ZNF14: variants seen among roughly 807,000 people sequenced by gnomAD.
ZNF14 encodes the protein gonadotropin inducible transcription repressor-4.
Under a neutral mutation model 11.3 loss-of-function variants are expected in ZNF14, and 9 were observed. That is an observed-to-expected ratio of 0.80 (90% CI 0.48 to 1.39). The LOEUF (loss-of-function observed/expected upper bound fraction) is 1.39. Among genes scored for constraint, ZNF14 ranks in the 40% most tolerant of loss-of-function variants. ZNF14 has a pLI of 0.00. For missense variants in ZNF14, 711 were observed against 763.9 expected (o/e 0.93, Z 0.82); for synonymous variants, 239 against 245.7 (o/e 0.97, Z 0.25).
rs749714274 is a variant in ZNF14 at position 19,711,971 on chromosome 19, T to C, written c.1310A>G (p.His437Arg). ...TTTCTCTGCATTGTGAGTCCTTTCATGTCTTTGAAGGGAACTTGAAAAACT... is the reference window on the plus strand; with the variant it reads ...TTTCTCTGCATTGTGAGTCCTTTCACGTCTTTGAAGGGAACTTGAAAAACT... ...TFSFSSSLQRHERTHNAEKPY... is the reference protein window; with the variant it reads ...TFSFSSSLQRRERTHNAEKPY... Residue 437 changes from histidine (H) to arginine (R), a missense_variant, in exon 4 of 4, where the codon CAT (histidine) becomes CGT (arginine). Coordinates refer to ENST00000344099, the MANE Select transcript of ZNF14 (RefSeq NM_021030.3). The C allele has an allele frequency of 5.0e-6, 8 of 1,614,148 alleles. No individual in the cohort carries two copies. The highest frequency in any genetic ancestry group is 6.8e-6 in the Non-Finnish European group (8 of 1,180,026).
Position 19,711,415 on chromosome 19 carries a change from T to C in ZNF14, c.1866A>G (p.Lys622=). 2 of 1,600,774 alleles carry C rather than the reference T, an allele frequency of 1.2e-6. No homozygotes were observed. The highest frequency in any genetic ancestry group is 1.7e-6 in the Non-Finnish European group (2 of 1,174,858). The part of the protein sequence containing the change: ...EKPYECKQCG[K]AFISSSHFRL... Reference sequence around the variant, plus strand: ...GAAAGTGACTGGAAGAAATGAAGGCTTTTCCACATTGTTTGCATTCATAAG... The same window carrying C: ...GAAAGTGACTGGAAGAAATGAAGGCCTTTCCACATTGTTTGCATTCATAAG... The change falls in exon 4 of 4, where the codon AAA becomes AAG. Residue 622 remains lysine (K), a synonymous_variant. Coordinates refer to ENST00000344099, the MANE Select transcript of ZNF14 (RefSeq NM_021030.3).
chr19:19,715,226 A>G (rs1014151516), intron 1 of ZNF14, among the ~76,000 whole-genome samples: 2 of 152,234 alleles, frequency 1.3e-5, no homozygotes, highest in Non-Finnish European at 2.9e-5. Flanking sequence ...AGGTTTTAAT[A>G]AATAAATACA....
chr19:19,729,476 C>T (rs1295069224), intron 1 of ZNF14, among the ~76,000 whole-genome samples: 1 of 151,990 alleles, frequency 6.6e-6, no homozygotes, highest in African/African-American at 2.4e-5. Context: ...CCCCCACATC[C>T]AGCTAATTTT....
Position 19,712,402 on chromosome 19 carries a change from A to G in ZNF14, c.879T>C (p.Ser293=). ...ECGKAFSFLS[S]FRRHKRTHSG... ...TATGAGTCCTTTTATGCCTTCGAAA[A>G]GAACTGAGAAAACTGAAGGCTTTAC... The change falls in exon 4 of 4, where the codon TCT becomes TCC. Residue 293 remains serine, a synonymous_variant. Transcript: ENST00000344099. The G allele has an allele frequency of 1.2e-6, 2 of 1,609,672 alleles. No individual in the cohort carries two copies. Among genetic ancestry groups the G allele is most frequent in the Non-Finnish European group, 1.7e-6 (2 of 1,178,776 alleles).
At chr19:19,718,373 C>T (rs2062383315) in intron 1 of ZNF14, among the ~76,000 whole-genome samples, 1 of 152,160 alleles carries the variant, frequency 6.6e-6, no homozygotes, top group South Asian at 2.1e-4. Flanking sequence ...AACAGCCTTA[C>T]AGGTTCATCA....
rs751412124 is a variant in ZNF14 at position 19,712,469 on chromosome 19, C to A, written c.812G>T (p.Arg271Ile). 3 of 1,559,268 alleles carry A rather than the reference C, an allele frequency of 1.9e-6. No homozygotes were observed. Among genetic ancestry groups the A allele is most frequent in the South Asian group, 2.3e-5 (2 of 86,136 alleles). Reference sequence around the variant, plus strand: ...GTAGGGTTTTTCTCCAGTGTGAGTTCTTTCATGAGTTCGAAAGTATGTGGG... The same window carrying A: ...GTAGGGTTTTTCTCCAGTGTGAGTTATTTCATGAGTTCGAAAGTATGTGGG... ...SCPTYFRTHE[R>I]THTGEKPYKC... Residue 271 changes from arginine to isoleucine, a missense_variant, in exon 4 of 4, where the codon AGA becomes ATA. Physicochemically the swap from Arg to Ile is moderately conservative, Grantham distance 97. Transcript: ENST00000344099.
At position 19,732,997 on chromosome 19, in the gene ZNF14, A is replaced by C. The variant is rs749843614; in HGVS notation, c.-39T>G. On this transcript the variant is annotated 5_prime_UTR_variant, in exon 1 of 4. Coordinates refer to ENST00000344099, the MANE Select transcript of ZNF14 (RefSeq NM_021030.3). ...GGAAGTCACGGTGTCCTCCCTACGG[A>C]TCTGTCAGTACCTGCAGGTCACGGC... The C allele has an allele frequency of 1.2e-6, 2 of 1,612,108 alleles. No homozygotes were observed. Among genetic ancestry groups the C allele is most frequent in the East Asian group, 4.5e-5 (2 of 44,790 alleles).
chr19:19,718,498 TA>T (rs2062383634), intron 1 of ZNF14, among the ~76,000 whole-genome samples: 1 of 152,024 alleles, frequency 6.6e-6, no homozygotes, highest in East Asian at 1.9e-4. Context: ...GTCAGAAAAT[TA>T]CAAAAAGTGG....
At chr19:19,721,544 T>C (rs1158383162) in intron 1 of ZNF14, among the ~76,000 whole-genome samples, 1 of 152,234 alleles carries the variant, frequency 6.6e-6, no homozygotes, top group African/African-American at 2.4e-5. Context: ...ACTGATTGCA[T>C]CAATATTTCC....
chr19:19,713,698 C>G (rs1166169526), intron 3 of ZNF14, among the ~76,000 whole-genome samples: 1 of 150,006 alleles, frequency 6.7e-6, no homozygotes. Flanking sequence ...ATCTGCCTGC[C>G]TTGGCCTCCC....
chr19:19,725,522 T>C (rs2062404216), intron 1 of ZNF14, among the ~76,000 whole-genome samples: 1 of 133,842 alleles, frequency 7.5e-6, no homozygotes, highest in Admixed American at 7.4e-5. Context: ...TTTCCCTTCA[T>C]TTCAACTTTG....
In ZNF14 at chr19:19,711,823, A is replaced by T. The variant is rs746364926; in HGVS notation, c.1458T>A (p.Arg486=). 6.2e-7 allele frequency: 1 copy of T among 1,613,488 alleles called. No individual in the cohort carries two copies. The highest frequency in any genetic ancestry group is 1.3e-5 in the African/African-American group (1 of 74,982). Residue 486 remains arginine (R), a synonymous_variant, in exon 4 of 4, where the codon CGT becomes CGA. Transcript: ENST00000344099. ...ECKQCGKVFI[R]SSSFRLHERT... ...TTTCATGCAGTCGAAAGGAACTGGAACGAATGAAAACTTTTCCACACTGTT... is the reference window on the plus strand; with the variant it reads ...TTTCATGCAGTCGAAAGGAACTGGATCGAATGAAAACTTTTCCACACTGTT...
In ZNF14 at chr19:19,711,671, C is replaced by T. The variant is rs1005058157; in HGVS notation, c.1610G>A (p.Gly537Asp). 1 of 1,614,054 alleles carries T rather than the reference C, an allele frequency of 6.2e-7. No homozygotes were observed. Among genetic ancestry groups the T allele is most frequent in the African/African-American group, 1.3e-5 (1 of 74,994 alleles). The change falls in exon 4 of 4, where the codon GGT (glycine) becomes GAT (aspartate). Residue 537 changes from glycine to aspartate, a missense_variant. Transcript: ENST00000344099. ...GNKPFECKQCGKAFLRSSQIR... is the reference protein window; with the variant it reads ...GNKPFECKQCDKAFLRSSQIR... ...TTGACTGGAACGAAGGAAGGCCTTA[C>T]CACATTGCTTACACTCAAAAGGCTT...
At chr19:19,725,178 G>A (rs1176322195) in intron 1 of ZNF14, among the ~76,000 whole-genome samples, 5 of 133,594 alleles carry the variant, frequency 3.7e-5, no homozygotes, top group African/African-American at 1.1e-4. Context: ...TAGCATCAAC[G>A]GTCTTTACAA....
At chr19:19,722,833 T>G (rs1173183061) in intron 1 of ZNF14, among the ~76,000 whole-genome samples, 1 of 152,232 alleles carries the variant, frequency 6.6e-6, no homozygotes, top group African/African-American at 2.4e-5. Flanking sequence ...CTAGGTATTT[T>G]ATTCTCTTTG....
rs1005050233 is a variant in ZNF14 at position 19,711,348 on chromosome 19, A to G, written c.*4T>C. The G allele has an allele frequency of 5.9e-6, 9 of 1,536,958 alleles. No individual in the cohort carries two copies. The highest frequency in any genetic ancestry group is 7.8e-6 in the Non-Finnish European group (9 of 1,147,560). On this transcript the variant is annotated 3_prime_UTR_variant, in exon 4 of 4. Coordinates refer to ENST00000344099, the MANE Select transcript of ZNF14 (RefSeq NM_021030.3). ...CCGAAGGCTTCAGAATGTTGCTTAT[A>G]TTCTTAGACTTTCTCTCCCATATGA...
intron 1 of ZNF14, among the ~76,000 whole-genome samples, chr19:19,718,903 T>G (rs2062384969): frequency 6.6e-6 from 1 of 152,142 alleles, no homozygotes; most frequent in Non-Finnish European, 1.5e-5. Context: ...TAGCTGAGAT[T>G]ACAGGTACGC....
At chr19:19,714,282 T>C (rs2062371240) in intron 2 of ZNF14, 79 bp downstream of exon 2, 23 of 1,602,764 alleles carry the variant, frequency 1.4e-5, no homozygotes, top group Non-Finnish European at 2.0e-5. Context: ...ATTTCAAATC[T>C]TGGAACACAG....
intron 2 of ZNF14, 38 bp from the exon 3 acceptor site, chr19:19,714,189 A>G (rs146543505): frequency 1.1e-3 from 1,818 of 1,601,292 alleles, no homozygotes; most frequent in Non-Finnish European, 1.5e-3. Context: ...AAAAATTATT[A>G]GAAATTATAG....
Sources: allele counts gnomAD v4.1 joint callset (sites outside exome capture counted in the v4.1 genomes callset), GRCh38; gene constraint gnomAD v4.1.1; transcripts MANE v1.5; gene names NCBI Gene and HGNC (gene_info 2026-07-23, HGNC 2026-07-21).